Variants in SP4 observed in about 807,000 individuals in gnomAD.
The protein encoded by SP4 is transcription factor Sp4.
SP4 carries 19 observed loss-of-function variants against 72.8 expected under a neutral mutation model. The observed-to-expected ratio is 0.26, with a 90% CI of 0.18 to 0.38. SP4 has a LOEUF of 0.38. Ranked by LOEUF, SP4 falls within the 10% of genes least tolerant of loss-of-function variation. SP4 has a pLI of 1.00. For synonymous variants in SP4, 395 were observed against 333.1 expected, an observed-to-expected ratio of 1.19 and a Z score of -2.02; for missense variants, 1,008 against 926.3, an observed-to-expected ratio of 1.09 and a Z score of -1.14.
rs58100749 is a variant in SP4, at chr7:21,442,006, T to TTGTG, written c.1678+11191_1678+11194dup. Among the ~76,000 whole-genome samples the TTGTG allele has an allele frequency of 4.7e-3, 611 of 130,484 alleles. 4 individuals carry two copies. Among genetic ancestry groups the TTGTG allele is most frequent in the East Asian group, 0.029 (116 of 4,052 alleles). The allele number at this position is 130,484 out of a possible 152,430, so 85.6% of individuals were successfully genotyped here. A position where few individuals can be genotyped will look rare whatever the true frequency, so the allele number is the denominator to read the frequency against. ...TATTTCATTTTATGTGTGTGTGTGTTTGTGTGTGTGTGTGTGTGTGTGTGT... is the reference window on the plus strand; with the variant it reads ...TATTTCATTTTATGTGTGTGTGTGTTTGTGTGTGTGTGTGTGTGTGTGTGTGTGT... On this transcript the variant is annotated intron_variant, in intron 3 of 5. Coordinates refer to ENST00000222584, the MANE Select transcript of SP4 (RefSeq NM_003112.5).
chr7:21,450,183 T>A (rs1345151038), intron 3 of SP4, among the ~76,000 whole-genome samples: 1 of 152,188 alleles, frequency 6.6e-6, no homozygotes, highest in Non-Finnish European at 1.5e-5. Flanking sequence ...TTAAGCCAGG[T>A]ACTTCATTGT....
chr7:21,488,860 T>C (rs1784896448), intron 5 of SP4, among the ~76,000 whole-genome samples: 2 of 152,228 alleles, frequency 1.3e-5, no homozygotes, highest in Admixed American at 6.5e-5. Flanking sequence ...TGCACACTTT[T>C]ATGTTACATG....
chr7:21,511,333 A>G lies in SP4; in HGVS notation c.*64A>G. 2 of 1,501,402 alleles carry G rather than the reference A, an allele frequency of 1.3e-6. No homozygotes were observed. The highest frequency in any genetic ancestry group is 9.1e-7 in the Non-Finnish European group (1 of 1,099,336). The allele number at this position is 1,501,402 out of a possible 1,614,324, so 93.0% of individuals were successfully genotyped here. A position where few individuals can be genotyped will look rare whatever the true frequency, so the allele number is the denominator to read the frequency against. Reference sequence around the variant, plus strand: ...TTTACACACCTTTGAAAATCTGGAAATGGGCTGGTCAAGTGGATTACAGAG... The same window carrying G: ...TTTACACACCTTTGAAAATCTGGAAGTGGGCTGGTCAAGTGGATTACAGAG... On this transcript the variant is annotated 3_prime_UTR_variant, in exon 6 of 6. Coordinates refer to ENST00000222584, the MANE Select transcript of SP4 (RefSeq NM_003112.5).
At chr7:21,450,922 G>A (rs1783574739) in intron 3 of SP4, among the ~76,000 whole-genome samples, 1 of 152,192 alleles carries the variant, frequency 6.6e-6, no homozygotes, top group African/African-American at 2.4e-5. Flanking sequence ...GGAATGAAAG[G>A]AAGTAAAGTA....
intron 3 of SP4, among the ~76,000 whole-genome samples, chr7:21,459,360 C>A (rs1015961604): frequency 6.6e-6 from 1 of 152,148 alleles, no homozygotes; most frequent in Non-Finnish European, 1.5e-5. Context: ...ACCTTGTGAT[C>A]CACCTGCCTC....
chr7:21,450,326 A>G (rs1371985726), intron 3 of SP4, among the ~76,000 whole-genome samples: 1 of 152,144 alleles, frequency 6.6e-6, no homozygotes. Flanking sequence ...ATGATTTAGG[A>G]AATTTGGTGG....
chr7:21,465,508 A>G (rs1345023926), intron 3 of SP4, among the ~76,000 whole-genome samples: 1 of 152,220 alleles, frequency 6.6e-6, no homozygotes, highest in African/African-American at 2.4e-5. Context: ...TAGACAAAGT[A>G]TAGGTGTAAA....
chr7:21,481,776 A>G (rs1390047590), intron 4 of SP4, 148 bp from the exon 5 acceptor site: 5 of 633,050 alleles, frequency 7.9e-6, no homozygotes, highest in Admixed American at 2.9e-5. Context: ...TTAACTGAAA[A>G]TTTTCTGATT....
intron 3 of SP4, among the ~76,000 whole-genome samples, chr7:21,436,061 G>A (rs1261412220): frequency 6.6e-6 from 1 of 152,054 alleles, no homozygotes; most frequent in African/African-American, 2.4e-5. Flanking sequence ...ACCACGCCTG[G>A]CTAATTTTTG....
At chr7:21,464,923 T>C (rs1023161851) in intron 3 of SP4, among the ~76,000 whole-genome samples, 2 of 152,216 alleles carry the variant, frequency 1.3e-5, no homozygotes, top group African/African-American at 2.4e-5. Context: ...ATTAGCCAGA[T>C]TTTCCTTTTT....
intron 3 of SP4, 105 bp downstream of exon 3, chr7:21,430,948 C>A: frequency 1.3e-6 from 1 of 788,554 alleles, no homozygotes; most frequent in Non-Finnish European, 2.0e-6. Context: ...GAAGTAAACA[C>A]ACAATCATAA....
intron 5 of SP4, among the ~76,000 whole-genome samples, chr7:21,498,901 C>T (rs990604095): frequency 2.0e-5 from 3 of 151,634 alleles, no homozygotes; most frequent in East Asian, 1.9e-4. Context: ...CTGGCTAACA[C>T]GGTGAAACCC....
At chr7:21,497,860 A>G (rs930703351) in intron 5 of SP4, among the ~76,000 whole-genome samples, 4 of 152,248 alleles carry the variant, frequency 2.6e-5, no homozygotes, top group African/African-American at 9.6e-5. Context: ...GGAAAAAATG[A>G]AAAATCACTC....
At chr7:21,438,182 A>G (rs1350454216) in intron 3 of SP4, among the ~76,000 whole-genome samples, 1 of 152,212 alleles carries the variant, frequency 6.6e-6, no homozygotes, top group Non-Finnish European at 1.5e-5. Context: ...AGACTGCAGA[A>G]GAATTTCTTG....
chr7:21,450,069 A>G (rs1037524385), intron 3 of SP4, among the ~76,000 whole-genome samples: 6 of 152,084 alleles, frequency 3.9e-5, no homozygotes, highest in African/African-American at 1.2e-4. Context: ...TTTATGTCCC[A>G]CATCTACCCA....
intron 5 of SP4, among the ~76,000 whole-genome samples, chr7:21,486,481 T>C (rs1010019381): frequency 2.0e-5 from 3 of 152,176 alleles, no homozygotes; most frequent in African/African-American, 7.2e-5. Flanking sequence ...CTGTGACTTT[T>C]CCTAGTCCTT....
intron 3 of SP4, among the ~76,000 whole-genome samples, chr7:21,475,600 A>G (rs1407877702): frequency 1.3e-5 from 2 of 151,964 alleles, no homozygotes; most frequent in African/African-American, 4.8e-5. Context: ...AGTAGCTGGG[A>G]CTACAGGCGC....
intron 5 of SP4, among the ~76,000 whole-genome samples, chr7:21,497,952 CTT>C (rs2128415225): frequency 1.3e-5 from 2 of 152,304 alleles, no homozygotes; most frequent in African/African-American, 4.8e-5. Flanking sequence ...TCTTAGTCGT[CTT>C]TGTCAGTTTT....
At chr7:21,442,006 TTGTGTG>T (rs58100749) in intron 3 of SP4, among the ~76,000 whole-genome samples, 1,321 of 130,534 alleles carry the variant, frequency 0.01, 19 homozygotes, top group African/African-American at 0.032. Flanking sequence ...GTGTGTGTGT[TTGTGTG>T]TGTGTGTGTG....
Sources: allele counts gnomAD v4.1 joint callset (sites outside exome capture counted in the v4.1 genomes callset), GRCh38; gene constraint gnomAD v4.1.1; transcripts MANE v1.5; gene names NCBI Gene and HGNC (gene_info 2026-07-23, HGNC 2026-07-21).